The following TNS1 variants were observed in gnomAD, a reference collection of about 807,000 sequenced individuals.
TNS1 encodes the protein tensin-1.
In TNS1, 62 loss-of-function variants were observed where a neutral mutation model predicts 168.6. The observed-to-expected ratio is 0.37, with a 90% CI of 0.30 to 0.45. The LOEUF (loss-of-function observed/expected upper bound fraction) is 0.45. Ranked by LOEUF, TNS1 falls within the 20% of genes least tolerant of loss-of-function variation. TNS1 has a pLI of 1.00. For synonymous variants in TNS1, 934 were observed against 933.2 expected (o/e 1.00, Z -0.02); for missense variants, 2,240 against 2,339.4 (o/e 0.96, Z 0.88).
At chr2:217,910,551 G>C (rs1954254304) in intron 4 of TNS1, among the ~76,000 whole-genome samples, 1 of 151,886 alleles carries the variant, frequency 6.6e-6, no homozygotes, top group South Asian at 2.1e-4. Context: ...GGCTGCCACT[G>C]CCCCAGGCCC....
At chr2:217,908,857 C>T (rs116736129) in intron 4 of TNS1, among the ~76,000 whole-genome samples, 4,173 of 152,218 alleles carry the variant, frequency 0.027, 175 homozygotes, top group African/African-American at 0.093. Flanking sequence ...CTCCACTATC[C>T]TCCCTGCTGC....
At chr2:217,888,039 C>A (rs958867189) in intron 12 of TNS1, among the ~76,000 whole-genome samples, 1 of 152,236 alleles carries the variant, frequency 6.6e-6, no homozygotes, top group Non-Finnish European at 1.5e-5. Context: ...CACCTCCAAG[C>A]CTGTGGGCCT....
chr2:217,891,175 A>G (rs905365759), intron 11 of TNS1, 130 bp from the exon 12 acceptor site: 15 of 792,576 alleles, frequency 1.9e-5, no homozygotes, highest in Non-Finnish European at 3.1e-5. Context: ...GAGGGAAGAC[A>G]AGCCTCTTCC....
chr2:217,884,823 T>C (rs1951038359), intron 16 of TNS1, among the ~76,000 whole-genome samples: 1 of 152,108 alleles, frequency 6.6e-6, no homozygotes, highest in Non-Finnish European at 1.5e-5. Context: ...TGGGAGGAGT[T>C]TATCTCCACT....
intron 4 of TNS1, among the ~76,000 whole-genome samples, chr2:217,916,927 C>T (rs970952078): frequency 8.5e-5 from 13 of 152,114 alleles, no homozygotes; most frequent in African/African-American, 3.1e-4. Flanking sequence ...GCAGGGAGGC[C>T]GGAGAGCAGC....
chr2:217,861,269 C>T (rs1258591706), intron 18 of TNS1, among the ~76,000 whole-genome samples: 7 of 152,166 alleles, frequency 4.6e-5, no homozygotes, highest in Non-Finnish European at 1.0e-4. Flanking sequence ...CCAATCGCCC[C>T]CTCGCTAGAG....
At chr2:217,949,451 C>T (rs1957190732) in intron 3 of TNS1, among the ~76,000 whole-genome samples, 1 of 152,218 alleles carries the variant, frequency 6.6e-6, no homozygotes, top group Non-Finnish European at 1.5e-5. Context: ...CACCTACCAT[C>T]CCAAACCCAT....
Position 217,995,573 on chromosome 2 carries a change from A to G in TNS1, c.34-4517T>C, listed in dbSNP as rs1412401360. ...GCAGAGGATGTAAACAAGCCCCAAA[A>G]AGTGCAAAGTGCTTTTCAAGGGTAG... On this transcript the variant is annotated intron_variant, in intron 1 of 32. Transcript: ENST00000682258. This position sits in a 1 kb window ranked among gnomAD's most constrained non-coding sequence, Gnocchi z 4.1. 6.6e-6 allele frequency among the ~76,000 whole-genome samples: 1 copy of G among 152,116 alleles called. No individual in the cohort carries two copies. The highest frequency in any genetic ancestry group is 1.5e-5 in the Non-Finnish European group (1 of 68,020).
chr2:217,916,570 C>T (rs935500592), intron 4 of TNS1, among the ~76,000 whole-genome samples: 8 of 152,216 alleles, frequency 5.3e-5, no homozygotes, highest in Non-Finnish European at 4.4e-5. Context: ...GGCAAACAAG[C>T]CCTCTTGCCT....
chr2:217,835,204 T>C (rs757300246), intron 20 of TNS1, 38 bp from the exon 21 acceptor site: 2 of 1,580,984 alleles, frequency 1.3e-6, no homozygotes, highest in Non-Finnish European at 1.7e-6. Flanking sequence ...AGGGAAACCA[T>C]GAGAAGGAGA....
chr2:217,809,025 T>A (rs892655935), intron 30 of TNS1, among the ~76,000 whole-genome samples: 5 of 152,210 alleles, frequency 3.3e-5, no homozygotes, highest in Non-Finnish European at 7.3e-5. Context: ...GTCCTTTTTA[T>A]CAGTTGTATT....
intron 21 of TNS1, 49 bp from the exon 22 acceptor site, chr2:217,831,596 A>C: frequency 7.1e-7 from 1 of 1,400,884 alleles, no homozygotes; most frequent in Non-Finnish European, 9.4e-7. Context: ...GGTGGGCAGG[A>C]GGGCAGACAC....
chr2:217,995,201 T>G lies in TNS1; in HGVS notation c.34-4145A>C, dbSNP rs1323220799. ...CAGGCAAGTGGCCCCCAGGCTCTGC[T>G]GGCATCCACTTAGTTCCGCTGTGAA... On this transcript the variant is annotated intron_variant, in intron 1 of 32. Coordinates refer to ENST00000682258, the MANE Select transcript of TNS1 (RefSeq NM_001387777.1). The surrounding 1 kb of genome is among the most constrained non-coding windows in gnomAD (Gnocchi z 4.1). 6.6e-6 allele frequency among the ~76,000 whole-genome samples: 1 copy of G among 152,170 alleles called. No homozygotes were observed. The highest frequency in any genetic ancestry group is 2.4e-5 in the African/African-American group (1 of 41,438).
Position 217,831,711 on chromosome 2 carries a change from C to T in TNS1, c.3281-164G>A, listed in dbSNP as rs368884957. ...TTGGCTCCACTGCCCTTTCCCGCCTCCGTATTTCTCTACATTTGAACAGTT... is the reference window on the plus strand; with the variant it reads ...TTGGCTCCACTGCCCTTTCCCGCCTTCGTATTTCTCTACATTTGAACAGTT... On this transcript the variant is annotated intron_variant, in intron 21 of 32. Coordinates refer to ENST00000682258, the MANE Select transcript of TNS1 (RefSeq NM_001387777.1). Among the ~76,000 whole-genome samples the T allele has an allele frequency of 1.1e-4, 16 of 152,272 alleles. No homozygotes were observed. In the East Asian group the frequency reaches 2.3e-3, roughly 22 times the overall value.
intron 3 of TNS1, among the ~76,000 whole-genome samples, chr2:217,978,032 A>C (rs1247891513): frequency 6.6e-6 from 1 of 151,370 alleles, no homozygotes; most frequent in Non-Finnish European, 1.5e-5. Flanking sequence ...CCAATCCCCC[A>C]CCCCCTGTTA....
At chr2:217,838,935 G>A (rs184632842) in intron 19 of TNS1, among the ~76,000 whole-genome samples, 45 of 35,514 alleles carry the variant, frequency 1.3e-3, no homozygotes, top group Middle Eastern at 0.015. Flanking sequence ...CCTCCCTCCC[G>A]CCACCACCCT....
intron 3 of TNS1, among the ~76,000 whole-genome samples, chr2:217,920,563 A>ATTTTTTTTTTTTT (rs35026780): frequency 2.9e-5 from 4 of 135,918 alleles, no homozygotes; most frequent in Admixed American, 7.5e-5. Context: ...AAGAAGAAGG[A>ATTTTTTTTTTTTT]TTTTTTTTTT....
At chr2:217,917,829 C>CAAAAAAAAAAAAAAAAAAAAA (rs79888115) in intron 4 of TNS1, among the ~76,000 whole-genome samples, 7 of 75,986 alleles carry the variant, frequency 9.2e-5, no homozygotes, top group African/African-American at 3.1e-4. Flanking sequence ...AGACTGTTCT[C>CAAAAAAAAAAAAAAAAAAAAA]AAAAAAAAAA....
intron 28 of TNS1, 25 bp from the exon 29 acceptor site, chr2:217,810,344 T>G: frequency 6.2e-7 from 1 of 1,612,628 alleles, no homozygotes; most frequent in Non-Finnish European, 8.5e-7. Context: ...CAGTAGGAAT[T>G]AAAACCCTAG....
Sources: allele counts gnomAD v4.1 joint callset (sites outside exome capture counted in the v4.1 genomes callset), GRCh38; gene constraint gnomAD v4.1.1; non-coding constraint Gnocchi (gnomAD v3.1); transcripts MANE v1.5; gene names NCBI Gene and HGNC (gene_info 2026-07-23, HGNC 2026-07-21).